The following ONECUT2 variants were observed in gnomAD, a reference collection of about 807,000 sequenced individuals.
ONECUT2 encodes one cut domain family member 2.
Under a neutral mutation model 27.9 loss-of-function variants are expected in ONECUT2, and 10 were observed. The ratio of observed to expected loss-of-function variants is 0.36; its 90% CI spans 0.22 to 0.61. The LOEUF is 0.61. ONECUT2 is among the 20% of genes least tolerant of loss of function. The pLI is 0.73. For synonymous variants in ONECUT2, 334 were observed against 315.1 expected, an observed-to-expected ratio of 1.06 and a Z score of -0.64; for missense variants, 686 against 721.0, an observed-to-expected ratio of 0.95 and a Z score of 0.56.
In ONECUT2 at chr18:57,485,588, A is replaced by G. The variant is rs1181435627; in HGVS notation, c.*8865A>G. On this transcript the variant is annotated 3_prime_UTR_variant, in exon 2 of 2. Coordinates refer to ENST00000491143, the MANE Select transcript of ONECUT2 (RefSeq NM_004852.3). The stretch of plus-strand genomic sequence containing the variant: ...GCTTTTGACCAAATGGGTTTTAGAC[A>G]AATGCAAAGATCTGCCTCTAGTCCA... 6.6e-6 allele frequency: 1 copy of G among 152,236 alleles called. No individual in the cohort carries two copies. The highest frequency in any genetic ancestry group is 1.5e-5 in the Non-Finnish European group (1 of 68,038). The allele number at this position is 152,236 out of a possible 1,614,324, so 9.4% of individuals were successfully genotyped here.
chr18:57,477,890 CA>C lies in ONECUT2; in HGVS notation c.*1170del, dbSNP rs1598945935. The stretch of plus-strand genomic sequence containing the variant: ...TAGCAAGAAAAAAAAATCAATCAAT[CA>C]AACCTGCATACATGTTACTCATGAC... On this transcript the variant is annotated 3_prime_UTR_variant, in exon 2 of 2. Coordinates refer to ENST00000491143, the MANE Select transcript of ONECUT2 (RefSeq NM_004852.3). 1.3e-5 allele frequency: 2 copies of C among 152,544 alleles called. No individual in the cohort carries two copies. Among genetic ancestry groups the C allele is most frequent in the African/African-American group, 2.4e-5 (1 of 41,416 alleles). 9.4% of individuals were successfully genotyped at this position (152,544 alleles called of 1,614,324 possible).
chr18:57,460,764 A>C (rs1373054950), intron 1 of ONECUT2, among the ~76,000 whole-genome samples: 1 of 140,586 alleles, frequency 7.1e-6, no homozygotes, highest in Non-Finnish European at 1.5e-5. Context: ...ATCACAGCTC[A>C]CTGCAGCCTT....
rs1044459863 is a variant in ONECUT2, at chr18:57,488,935, G to C, written c.*12212G>C. On this transcript the variant is annotated 3_prime_UTR_variant, in exon 2 of 2. Coordinates refer to ENST00000491143, the MANE Select transcript of ONECUT2 (RefSeq NM_004852.3). Reference sequence around the variant, plus strand: ...TCCAACACTTCCCTGCAATCCTTTGGTCTTGAGCATGTGCCAGCATGAAGG... The same window carrying C: ...TCCAACACTTCCCTGCAATCCTTTGCTCTTGAGCATGTGCCAGCATGAAGG... 6.6e-6 allele frequency: 1 copy of C among 152,284 alleles called. No homozygotes were observed. The highest frequency in any genetic ancestry group is 2.4e-5 in the African/African-American group (1 of 41,438). 9.4% of individuals were successfully genotyped at this position (152,284 alleles called of 1,614,324 possible).
intron 1 of ONECUT2, among the ~76,000 whole-genome samples, chr18:57,451,699 A>T (rs761037254): frequency 1.3e-5 from 2 of 152,202 alleles, no homozygotes; most frequent in Non-Finnish European, 2.9e-5. Context: ...TGGAGTAAAT[A>T]GGTGATTGGA....
chr18:57,444,767 C>A (rs1259386078), intron 1 of ONECUT2, among the ~76,000 whole-genome samples: 1 of 152,194 alleles, frequency 6.6e-6, no homozygotes, highest in African/African-American at 2.4e-5. Flanking sequence ...TAGTTAAAGA[C>A]CCTCGTTCAA....
Position 57,483,053 on chromosome 18 carries a change from T to C in ONECUT2, c.*6330T>C, listed in dbSNP as rs550398420. The C allele has an allele frequency of 6.6e-6, 1 of 152,346 alleles. No homozygotes were observed. The highest frequency in any genetic ancestry group is 6.6e-5 in the Admixed American group (1 of 15,264). The allele number at this position is 152,346 out of a possible 1,614,324, so 9.4% of individuals were successfully genotyped here. A position where few individuals can be genotyped will look rare whatever the true frequency, so the allele number is the denominator to read the frequency against. On this transcript the variant is annotated 3_prime_UTR_variant, in exon 2 of 2. Coordinates refer to ENST00000491143, the MANE Select transcript of ONECUT2 (RefSeq NM_004852.3). ...TGACACCTATGATTGATGACTTCGG[T>C]TGAATAGCTTTATTCTGGATTTTTC... is the stretch of plus-strand genomic sequence containing the variant.
At chr18:57,455,076 T>C (rs934483695) in intron 1 of ONECUT2, among the ~76,000 whole-genome samples, 54 of 152,304 alleles carry the variant, frequency 3.5e-4, no homozygotes, top group African/African-American at 1.2e-3. Context: ...ACCCCGGTGG[T>C]CATGAGATTT....
Position 57,480,590 on chromosome 18 carries a change from A to G in ONECUT2, c.*3867A>G, listed in dbSNP as rs78224868. 7.1e-6 allele frequency: 1 copy of G among 140,652 alleles called. No individual in the cohort carries two copies. The highest frequency in any genetic ancestry group is 2.3e-4 in the South Asian group (1 of 4,316). The allele number at this position is 140,652 out of a possible 1,614,324, so 8.7% of individuals were successfully genotyped here. On this transcript the variant is annotated 3_prime_UTR_variant, in exon 2 of 2. Coordinates refer to ENST00000491143, the MANE Select transcript of ONECUT2 (RefSeq NM_004852.3). ...TCATAATTGTTTAAAAAAAAAAAAA[A>G]GGCAAGAATTTCTCTCCAAGGAGCT...
At chr18:57,438,730 G>A (rs1318108493) in intron 1 of ONECUT2, among the ~76,000 whole-genome samples, 7 of 152,242 alleles carry the variant, frequency 4.6e-5, no homozygotes, top group African/African-American at 1.7e-4. Flanking sequence ...CGGATACTTT[G>A]AGTGGATTTA....
intron 1 of ONECUT2, among the ~76,000 whole-genome samples, chr18:57,438,076 ACCT>A (rs1211416213): frequency 2.0e-5 from 3 of 152,132 alleles, no homozygotes; most frequent in East Asian, 1.9e-4. Context: ...GAGCACAGAA[ACCT>A]CCTGTGTGGG....
rs777194115 is a variant in ONECUT2 at position 57,436,392 on chromosome 18, C to G, written c.676C>G (p.Pro226Ala). The change falls in exon 1 of 2, where the codon CCG becomes GCG. Residue 226 changes from proline to alanine, a missense_variant. Coordinates refer to ENST00000491143, the MANE Select transcript of ONECUT2 (RefSeq NM_004852.3). This position sits in a 1 kb window ranked among gnomAD's most constrained non-coding sequence, Gnocchi z 5.9. ...EMPGMSQSLS[P>A]LAATPLGNGL... ...GCCCGGCATGAGCCAGAGCCTGTCC[C>G]CGCTGGCCGCCACGCCGCTGGGCAA... 21 of 1,609,690 alleles carry G rather than the reference C, an allele frequency of 1.3e-5. No homozygotes were observed. The highest frequency in any genetic ancestry group is 8.3e-5 in the Admixed American group (5 of 59,964).
intron 1 of ONECUT2, among the ~76,000 whole-genome samples, chr18:57,471,775 G>T (rs664805): frequency 5.3e-5 from 8 of 152,042 alleles, no homozygotes; most frequent in South Asian, 2.1e-4. Context: ...AGTGGGGAAA[G>T]GTAGCCTTAT....
chr18:57,450,551 T>C (rs2050224470), intron 1 of ONECUT2, among the ~76,000 whole-genome samples: 1 of 152,238 alleles, frequency 6.6e-6, no homozygotes, highest in Non-Finnish European at 1.5e-5. Context: ...AATGGATTTC[T>C]ATGTTAATCT....
At chr18:57,456,647 A>T (rs900322918) in intron 1 of ONECUT2, among the ~76,000 whole-genome samples, 1 of 152,234 alleles carries the variant, frequency 6.6e-6, no homozygotes, top group African/African-American at 2.4e-5. Context: ...AAGATATAAA[A>T]GTTCTGGAGA....
In ONECUT2 at chr18:57,476,534, C is replaced by G; in HGVS notation, c.1326C>G (p.Phe442Leu). The G allele has an allele frequency of 1.2e-6, 2 of 1,613,988 alleles. No homozygotes were observed. The highest frequency in any genetic ancestry group is 1.7e-6 in the Non-Finnish European group (2 of 1,180,020). ...VFTDLQRRTL[F>L]AIFKENKRPS... is the part of the protein sequence containing the mutation. ...CTGACCTCCAACGCCGAACACTCTT[C>G]GCCATCTTCAAGGAGAACAAACGCC... The change falls in exon 2 of 2, where the codon TTC becomes TTG. Residue 442 changes from phenylalanine (F) to leucine (L), a missense_variant. Phe to Leu is a conservative substitution (Grantham distance 22). This residue lies in a region of ONECUT2 where 77 missense variants were observed against 105.5 expected (regional missense o/e 0.73). Coordinates refer to ENST00000491143, the MANE Select transcript of ONECUT2 (RefSeq NM_004852.3).
intron 1 of ONECUT2, among the ~76,000 whole-genome samples, chr18:57,450,366 G>A (rs2050223427): frequency 1.3e-5 from 2 of 152,048 alleles, no homozygotes; most frequent in African/African-American, 2.4e-5. Context: ...TAGAGATGGG[G>A]TTTCACCATG....
chr18:57,476,808 TC>T lies in ONECUT2; in HGVS notation c.*87del. 1 of 1,439,224 alleles carries T rather than the reference TC, an allele frequency of 6.9e-7. No individual in the cohort carries two copies. 89.2% of individuals were successfully genotyped at this position (1,439,224 alleles called of 1,614,324 possible). ...AAAACAAAGGAAAAAGACACCGGATTCCTAGCTGGGGCCCTTCACTGGTGAT... is the reference window on the plus strand; with the variant it reads ...AAAACAAAGGAAAAAGACACCGGATTCTAGCTGGGGCCCTTCACTGGTGAT... On this transcript the variant is annotated 3_prime_UTR_variant, in exon 2 of 2. Coordinates refer to ENST00000491143, the MANE Select transcript of ONECUT2 (RefSeq NM_004852.3).
chr18:57,444,485 C>T (rs1414989599), intron 1 of ONECUT2: 2 of 454,918 alleles, frequency 4.4e-6, no homozygotes, highest in South Asian at 1.6e-5. Flanking sequence ...GCTTGCTTCC[C>T]ACTCCACCCC....
chr18:57,440,162 G>T (rs2050166428), intron 1 of ONECUT2, among the ~76,000 whole-genome samples: 1 of 152,266 alleles, frequency 6.6e-6, no homozygotes, highest in African/African-American at 2.4e-5. Flanking sequence ...AACCCCGCCC[G>T]GTCGGGCCTT....
Sources: gnomAD v4.1 joint callset for allele counts (sites outside exome capture counted in the v4.1 genomes callset) on GRCh38, gnomAD v4.1.1 for gene constraint, gnomAD v4.1.1 regional missense constraint, Gnocchi (gnomAD v3.1) non-coding constraint, MANE v1.5 for transcripts, NCBI Gene and HGNC (gene_info 2026-07-23, HGNC 2026-07-21) for gene names.